METTL15: variants seen among roughly 807,000 people sequenced by gnomAD.
METTL15 encodes 12S rRNA N(4)-cytidine methyltransferase METTL15.
METTL15 carries 34 observed loss-of-function variants against 38.3 expected under a neutral mutation model. The ratio of observed to expected loss-of-function variants is 0.89; its 90% CI spans 0.68 to 1.18. METTL15 has a LOEUF of 1.18. Ranked by LOEUF, METTL15 falls within the 50% of genes most tolerant of loss-of-function variation. The probability of loss-of-function intolerance (pLI) is 0.00; values close to 1 mark genes in which losing one functional copy is unlikely to be tolerated. For synonymous variants in METTL15, 162 were observed against 170.9 expected, an observed-to-expected ratio of 0.95 and a Z score of 0.41; for missense variants, 438 against 498.4, an observed-to-expected ratio of 0.88 and a Z score of 1.15.
chr11:28,158,153 G>A (rs1418881554), intron 3 of METTL15, among the ~76,000 whole-genome samples: 1 of 152,174 alleles, frequency 6.6e-6, no homozygotes, highest in East Asian at 1.9e-4. Context: ...GAAATTTGGG[G>A]AACAGGTATG....
intron 3 of METTL15, among the ~76,000 whole-genome samples, chr11:28,338,988 G>C (rs1339947046): frequency 6.6e-6 from 1 of 152,086 alleles, no homozygotes; most frequent in Non-Finnish European, 1.5e-5. Flanking sequence ...TTTCAGAAAA[G>C]GCAGCTGAGA....
At chr11:28,156,195 C>A (rs1316148113) in intron 3 of METTL15, among the ~76,000 whole-genome samples, 1 of 152,106 alleles carries the variant, frequency 6.6e-6, no homozygotes. Flanking sequence ...TATCATTCAT[C>A]CCTTGGTCTT....
At chr11:28,456,532 C>T (rs1851170783) in intron 6 of METTL15, among the ~76,000 whole-genome samples, 1 of 151,832 alleles carries the variant, frequency 6.6e-6, no homozygotes, top group Non-Finnish European at 1.5e-5. Context: ...ACCTCCTCCT[C>T]CTGGCTTCCA....
intron 4 of METTL15, among the ~76,000 whole-genome samples, chr11:28,257,824 A>T (rs1335646439): frequency 6.6e-6 from 1 of 152,156 alleles, no homozygotes; most frequent in Non-Finnish European, 1.5e-5. Flanking sequence ...TTTCCTCAAC[A>T]TAGCTATTTT....
At chr11:28,151,434 G>A (rs1398002644) in intron 3 of METTL15, among the ~76,000 whole-genome samples, 2 of 151,686 alleles carry the variant, frequency 1.3e-5, no homozygotes, top group African/African-American at 4.8e-5. Flanking sequence ...CAAATTACTG[G>A]CAAAATATAC....
downstream of METTL15, among the ~76,000 whole-genome samples, chr11:28,530,697 G>T (rs533889276): frequency 5.3e-5 from 8 of 151,936 alleles, no homozygotes; most frequent in Middle Eastern, 3.4e-3. Context: ...CTAAATAAGA[G>T]ATTTAGAATT....
intron 3 of METTL15, chr11:28,123,874 A>G (rs1852356387): frequency 6.8e-7 from 1 of 1,479,470 alleles, no homozygotes; most frequent in Non-Finnish European, 9.1e-7. Flanking sequence ...AAAGAAGTAA[A>G]CTGTGGATAT....
At chr11:28,491,162 T>C (rs1851491422) in intron 6 of METTL15, among the ~76,000 whole-genome samples, 2 of 152,154 alleles carry the variant, frequency 1.3e-5, no homozygotes, top group Admixed American at 6.6e-5. Flanking sequence ...GGAAAGCAGA[T>C]TGGCTATCTG....
chr11:28,522,554 T>G (rs1238877308), intron 6 of METTL15, among the ~76,000 whole-genome samples: 1 of 152,184 alleles, frequency 6.6e-6, no homozygotes, highest in Non-Finnish European at 1.5e-5. Context: ...ATTAGTCTCA[T>G]CCAAAAACAC....
At chr11:28,491,482 A>G (rs945314485) in intron 6 of METTL15, among the ~76,000 whole-genome samples, 1 of 152,112 alleles carries the variant, frequency 6.6e-6, no homozygotes, top group African/African-American at 2.4e-5. Flanking sequence ...CAGAGCCAAT[A>G]GCAAAACTGG....
intron 3 of METTL15, among the ~76,000 whole-genome samples, chr11:28,141,073 C>T (rs1050364304): frequency 1.7e-4 from 26 of 152,174 alleles, no homozygotes; most frequent in Non-Finnish European, 2.9e-4. Flanking sequence ...AGTGTTTAGT[C>T]ATAGCACTTT....
At chr11:28,493,099 G>A (rs1851509621) in intron 6 of METTL15, among the ~76,000 whole-genome samples, 1 of 152,152 alleles carries the variant, frequency 6.6e-6, no homozygotes, top group South Asian at 2.1e-4. Flanking sequence ...ACCTTCAGGT[G>A]TGGTAGTGCT....
intron 6 of METTL15, among the ~76,000 whole-genome samples, chr11:28,512,429 G>A (rs1415960457): frequency 1.3e-5 from 2 of 152,224 alleles, no homozygotes; most frequent in Non-Finnish European, 2.9e-5. Flanking sequence ...AGCCCAAGGA[G>A]ATGGGGAGGC....
At chr11:28,156,979 GGTA>G (rs1850286049) in intron 3 of METTL15, among the ~76,000 whole-genome samples, 1 of 152,030 alleles carries the variant, frequency 6.6e-6, no homozygotes, top group African/African-American at 2.4e-5. Flanking sequence ...TAAGATAAAT[GGTA>G]TTTAACCCTT....
intron 6 of METTL15, among the ~76,000 whole-genome samples, chr11:28,299,901 A>G (rs1197258244): frequency 2.6e-5 from 4 of 152,142 alleles, no homozygotes; most frequent in African/African-American, 9.6e-5. Context: ...TTGTCGATAT[A>G]TCACTGTTTC....
chr11:28,284,937 T>C (rs936968279), intron 4 of METTL15, among the ~76,000 whole-genome samples: 1 of 152,108 alleles, frequency 6.6e-6, no homozygotes, highest in Non-Finnish European at 1.5e-5. Context: ...ATCTCCATAA[T>C]CTCCATTTGG....
intron 6 of METTL15, among the ~76,000 whole-genome samples, chr11:28,484,627 C>G (rs554926208): frequency 7.9e-5 from 12 of 152,100 alleles, no homozygotes; most frequent in African/African-American, 2.7e-4. Flanking sequence ...TCCCCAACAT[C>G]CTAGATCTAT....
At chr11:28,408,001 T>C (rs887683256) in intron 5 of METTL15, among the ~76,000 whole-genome samples, 1 of 152,176 alleles carries the variant, frequency 6.6e-6, no homozygotes, top group Non-Finnish European at 1.5e-5. Flanking sequence ...TTGTGGCCTT[T>C]GCAGGGACAT....
chr11:28,282,189 C>T (rs747100037), intron 4 of METTL15, among the ~76,000 whole-genome samples: 6 of 152,152 alleles, frequency 3.9e-5, no homozygotes, highest in Non-Finnish European at 8.8e-5. Flanking sequence ...ATCATGTATT[C>T]ACCTTTGACA....
Sources: allele counts gnomAD v4.1 joint callset (sites outside exome capture counted in the v4.1 genomes callset), GRCh38; gene constraint gnomAD v4.1.1; transcripts MANE v1.5; gene names NCBI Gene and HGNC (gene_info 2026-07-23, HGNC 2026-07-21).